Variants in POLR2F observed in about 807,000 individuals in gnomAD.
POLR2F encodes the protein RNA polymerase II, I and III subunit F.
POLR2F carries 12 observed loss-of-function variants against 22.7 expected under a neutral mutation model. The ratio of observed to expected loss-of-function variants is 0.53; its 90% CI spans 0.34 to 0.86. The LOEUF is 0.86. Among genes scored for constraint, POLR2F ranks in the 40% least tolerant of loss-of-function variants. The pLI is 0.02. For missense variants in POLR2F, 126 were observed against 171.5 expected (o/e 0.73, Z 1.48); for synonymous variants, 57 against 66.0 (o/e 0.86, Z 0.66).
intron 3 of POLR2F, among the ~76,000 whole-genome samples, chr22:37,965,224 C>T: frequency 6.6e-6 from 1 of 152,134 alleles, no homozygotes; most frequent in East Asian, 1.9e-4. Flanking sequence ...CCAGGCTGGT[C>T]TCAAACTCCT....
chr22:38,020,906 A>T (rs2084955793), intron 1 of POLR2F, among the ~76,000 whole-genome samples: 1 of 151,996 alleles, frequency 6.6e-6, no homozygotes, highest in Non-Finnish European at 1.5e-5. Flanking sequence ...CAGGGTCATG[A>T]TTGGGTATTA....
chr22:38,023,739 C>G (rs1285450404), intron 1 of POLR2F, among the ~76,000 whole-genome samples: 1 of 152,000 alleles, frequency 6.6e-6, no homozygotes, highest in African/African-American at 2.4e-5. Flanking sequence ...GTGGCACGAT[C>G]TTGGCTCACT....
Position 37,986,668 on chromosome 22 carries a change from T to G in POLR2F, c.120+356T>G. On this transcript the variant is annotated intron_variant, in intron 1 of 2. Transcript: ENST00000333418. This position sits in a 1 kb window ranked among gnomAD's most constrained non-coding sequence, Gnocchi z 4.7. Reference sequence around the variant, plus strand: ...CCTCTCAGGGCTGTGCTGGGCTTTTTGCTGAGCAGTGTTGGGTGAGGCAGG... The same window carrying G: ...CCTCTCAGGGCTGTGCTGGGCTTTTGGCTGAGCAGTGTTGGGTGAGGCAGG... 1 of 544,166 alleles carries G rather than the reference T, an allele frequency of 1.8e-6. No individual in the cohort carries two copies. The highest frequency in any genetic ancestry group is 3.5e-6 in the Non-Finnish European group (1 of 286,356). 33.7% of individuals were successfully genotyped at this position (544,166 alleles called of 1,614,324 possible).
rs1472381817 is a variant in POLR2F, at chr22:37,974,521, TTGTG to T, written c.293+7353_293+7356del. Among the ~76,000 whole-genome samples, 2 of 151,938 alleles carry T rather than the reference TTGTG, an allele frequency of 1.3e-5. No individual in the cohort carries two copies. The highest frequency in any genetic ancestry group is 2.9e-5 in the Non-Finnish European group (2 of 67,974). On this transcript the variant is annotated intron_variant, in intron 4 of 4. Transcript: ENST00000405557. The surrounding 1 kb of genome is among the most constrained non-coding windows in gnomAD (Gnocchi z 5.4). Reference sequence around the variant, plus strand: ...GCGCCCACCACAATGCCCAGCTAATTTGTGTATTTTTAGTAGAGACGGGGTTTCA... The same window carrying T: ...GCGCCCACCACAATGCCCAGCTAATTTATTTTTAGTAGAGACGGGGTTTCA...
At chr22:38,029,396 C>G (rs1342188977), downstream of POLR2F, among the ~76,000 whole-genome samples, 2 of 152,140 alleles carry the variant, frequency 1.3e-5, no homozygotes, top group African/African-American at 4.8e-5. Context: ...AGGATAAAGC[C>G]TTAAATAAGG....
downstream of POLR2F, among the ~76,000 whole-genome samples, chr22:38,028,066 C>T (rs770707365): frequency 1.3e-5 from 2 of 152,146 alleles, no homozygotes; most frequent in Admixed American, 6.5e-5. Context: ...TCTGCATCAC[C>T]GAAAGTCCCT....
chr22:37,995,557 A>C (rs1170917299), intron 1 of POLR2F, among the ~76,000 whole-genome samples: 1 of 152,146 alleles, frequency 6.6e-6, no homozygotes, highest in Non-Finnish European at 1.5e-5. Flanking sequence ...TTGGCGGATT[A>C]GTTGTTCATT....
chr22:38,010,115 C>T (rs988267037), intron 1 of POLR2F, among the ~76,000 whole-genome samples: 5 of 152,186 alleles, frequency 3.3e-5, no homozygotes, highest in Non-Finnish European at 5.9e-5. Flanking sequence ...TGGCTTATGC[C>T]TGTAATCCCA....
intron 1 of POLR2F, among the ~76,000 whole-genome samples, chr22:38,010,961 G>A (rs1433488471): frequency 6.6e-6 from 1 of 152,060 alleles, no homozygotes; most frequent in East Asian, 1.9e-4. Context: ...TTTTGAGGAA[G>A]TATAAGTTAT....
chr22:38,009,728 G>C (rs1224208776), intron 1 of POLR2F, among the ~76,000 whole-genome samples: 3 of 151,850 alleles, frequency 2.0e-5, no homozygotes, highest in Non-Finnish European at 4.4e-5. Context: ...AGATTAATCT[G>C]TATTTTCTAG....
chr22:38,039,252 C>T (rs575677469), intron 5 of POLR2F, among the ~76,000 whole-genome samples: 9 of 152,284 alleles, frequency 5.9e-5, no homozygotes, highest in Admixed American at 5.2e-4. Context: ...CCAAATGTAC[C>T]GGAATTTTTG....
downstream of POLR2F, chr22:37,972,283 G>C (rs772986852): frequency 2.3e-6 from 3 of 1,294,086 alleles, no homozygotes; most frequent in South Asian, 3.7e-5. Flanking sequence ...GAGATGAAGA[G>C]ACAGGCCAGG....
intron 1 of POLR2F, among the ~76,000 whole-genome samples, chr22:38,009,497 T>G (rs905728332): frequency 1.6e-4 from 24 of 152,108 alleles, no homozygotes; most frequent in African/African-American, 5.8e-4. Flanking sequence ...TAAAATTACG[T>G]TTTTGACAGC....
chr22:38,010,973 A>G (rs1267465331), intron 1 of POLR2F, among the ~76,000 whole-genome samples: 1 of 151,938 alleles, frequency 6.6e-6, no homozygotes, highest in Non-Finnish European at 1.5e-5. Context: ...ATAAGTTATC[A>G]ATTGTTTTCT....
intron 4 of POLR2F, chr22:37,977,757 GCA>G (rs1932265909): frequency 1.6e-6 from 2 of 1,241,592 alleles, no homozygotes; most frequent in Admixed American, 4.2e-5. Flanking sequence ...TGGGGCAACT[GCA>G]CAGCCTGGCA....
At chr22:37,998,367 A>C (rs2084736876) in intron 1 of POLR2F, among the ~76,000 whole-genome samples, 1 of 152,170 alleles carries the variant, frequency 6.6e-6, no homozygotes, top group Non-Finnish European at 1.5e-5. Flanking sequence ...CTGCCCCTTG[A>C]AGGGGCCTCC....
Position 38,018,255 on chromosome 22 carries a change from C to G in POLR2F, c.121-7614C>G, listed in dbSNP as rs111798285. Reference sequence around the variant, plus strand: ...TTAGGCTTGAGCCAGGTTAAGGGTTCGGTGTAGGGTTAGGATCAGGGCTAT... The same window carrying G: ...TTAGGCTTGAGCCAGGTTAAGGGTTGGGTGTAGGGTTAGGATCAGGGCTAT... On this transcript the variant is annotated intron_variant, in intron 1 of 2. Transcript: ENST00000333418. Among the ~76,000 whole-genome samples, 596 of 152,204 alleles carry G rather than the reference C, an allele frequency of 3.9e-3. 2 individuals are homozygous for G. The highest frequency in any genetic ancestry group is 7.7e-3 in the Admixed American group (118 of 15,284).
intron 1 of POLR2F, among the ~76,000 whole-genome samples, chr22:37,993,775 G>A (rs1932760737): frequency 1.3e-5 from 2 of 152,188 alleles, no homozygotes; most frequent in Admixed American, 1.3e-4. Flanking sequence ...GGATCACGAG[G>A]TCAGGAGATC....
intron 3 of POLR2F, among the ~76,000 whole-genome samples, chr22:37,964,160 G>A (rs1316538683): frequency 6.6e-6 from 1 of 151,972 alleles, no homozygotes; most frequent in African/African-American, 2.4e-5. Flanking sequence ...GTTTTCTGGT[G>A]GGGGAGATAG....
Sources: gnomAD v4.1 joint callset for allele counts (sites outside exome capture counted in the v4.1 genomes callset) on GRCh38, gnomAD v4.1.1 for gene constraint, Gnocchi (gnomAD v3.1) non-coding constraint, MANE v1.5 for transcripts, NCBI Gene and HGNC (gene_info 2026-07-23, HGNC 2026-07-21) for gene names.